The following CSF2RA variants were observed in gnomAD, a reference collection of about 807,000 sequenced individuals.
CSF2RA encodes the protein granulocyte-macrophage colony-stimulating factor receptor subunit alpha.
Under a neutral mutation model 51.6 loss-of-function variants are expected in CSF2RA, and 42 were observed. That is an observed-to-expected ratio of 0.81 (90% confidence interval 0.64 to 1.05). The LOEUF is 1.05. Among genes scored for constraint, CSF2RA ranks in the 50% least tolerant of loss-of-function variants. The pLI is 0.00. For synonymous variants in CSF2RA, 222 were observed against 193.0 expected, an observed-to-expected ratio of 1.15 and a Z score of -1.24; for missense variants, 530 against 501.1, an observed-to-expected ratio of 1.06 and a Z score of -0.55.
chrX:1,273,816 T>G (rs1296661550), intron 1 of CSF2RA, among the ~76,000 whole-genome samples: 1 of 150,244 alleles, frequency 6.7e-6, no homozygotes, highest in Non-Finnish European at 1.5e-5. Flanking sequence ...GCCAGGATGG[T>G]CTCGATCTCC....
chrX:1,311,073 C>T, downstream of CSF2RA, among the ~76,000 whole-genome samples: 1 of 151,870 alleles, frequency 6.6e-6, no homozygotes, highest in Admixed American at 6.6e-5. Flanking sequence ...CATGGTGAAA[C>T]CCCGCTTCTA....
At chrX:1,313,266 T>C (rs1398012001), downstream of CSF2RA, among the ~76,000 whole-genome samples, 1 of 145,260 alleles carries the variant, frequency 6.9e-6, no homozygotes, top group Non-Finnish European at 1.5e-5. Flanking sequence ...CTACTACAAA[T>C]ACAAAAAAAA....
At chrX:1,282,604 C>A in intron 2 of CSF2RA, 74 bp from the exon 3 acceptor site, 1 of 1,112,434 alleles carries the variant, frequency 9.0e-7, no homozygotes, top group Non-Finnish European at 1.4e-6. Flanking sequence ...CCCAAATCAC[C>A]TCCCTGGGGT....
chrX:1,308,755 G>A (rs1324846321), intron 12 of CSF2RA, among the ~76,000 whole-genome samples: 2 of 152,072 alleles, frequency 1.3e-5, no homozygotes, highest in Non-Finnish European at 2.9e-5. Flanking sequence ...CCCACATCGA[G>A]GTGCCAGGAT....
intron 11 of CSF2RA, among the ~76,000 whole-genome samples, chrX:1,305,015 A>G (rs2083417756): frequency 7.8e-6 from 1 of 127,470 alleles, no homozygotes; most frequent in Non-Finnish European, 1.6e-5. Flanking sequence ...TTTTTTTGAG[A>G]TGGAGTCTCA....
chrX:1,269,204 G>GA (rs2088003988), intron 1 of CSF2RA, among the ~76,000 whole-genome samples: 2 of 152,172 alleles, frequency 1.3e-5, no homozygotes, highest in Non-Finnish European at 2.9e-5. Context: ...TTGGTTTACA[G>GA]AAAAAAACAA....
the CSF2RA span, among the ~76,000 whole-genome samples, chrX:1,322,436 TTTG>T: frequency 4.8e-5 from 4 of 83,864 alleles, no homozygotes; most frequent in East Asian, 2.8e-4. Flanking sequence ...ACTGTGTGTG[TTTG>T]TTTTTTTTTT....
the CSF2RA span, among the ~76,000 whole-genome samples, chrX:1,322,866 A>G: frequency 6.6e-6 from 1 of 151,924 alleles, no homozygotes; most frequent in Admixed American, 6.6e-5. Flanking sequence ...GCGGTGGCTC[A>G]CGCCTGTAAT....
chrX:1,281,836 T>C (rs2090104504), intron 2 of CSF2RA: 1 of 137,804 alleles, frequency 7.3e-6, no homozygotes, highest in Non-Finnish European at 1.5e-5. Flanking sequence ...TTTCTTCCTC[T>C]TCTTTTTTTT....
intron 4 of CSF2RA, among the ~76,000 whole-genome samples, chrX:1,287,985 C>T (rs1218120739): frequency 7.3e-5 from 11 of 151,262 alleles, no homozygotes; most frequent in African/African-American, 2.7e-4. Context: ...GATCCACCCG[C>T]CTTGGCCTCC....
At position 1,309,531 on chromosome X, in the gene CSF2RA, G is replaced by A. The variant is rs1347177619; in HGVS notation, c.*52G>A. 1.2e-6 allele frequency: 2 copies of A among 1,613,988 alleles called. No homozygotes were observed. Among genetic ancestry groups the A allele is most frequent in the Non-Finnish European group, 1.7e-6 (2 of 1,179,878 alleles). ...GACATCTCCGCCTCCGCGACACGGGGGAACTGTTTTCTTGATGATGCTGTG... is the reference window on the plus strand; with the variant it reads ...GACATCTCCGCCTCCGCGACACGGGAGAACTGTTTTCTTGATGATGCTGTG... On this transcript the variant is annotated 3_prime_UTR_variant, in exon 13 of 13. Coordinates refer to ENST00000381529, the MANE Select transcript of CSF2RA (RefSeq NM_172245.4).
rs770680235 is a variant in CSF2RA, at chrX:1,288,482, G to T, written c.220-37G>T. On this transcript the variant is annotated intron_variant, in intron 4 of 12. Transcript: ENST00000381529. ...GGGAGACTGTAGGAGACAGAAGGTT[G>T]TTTCCTAATCGGCTCTGTCTGGTTG... is the stretch of plus-strand genomic sequence containing the variant. The T allele has an allele frequency of 5.0e-6, 8 of 1,613,758 alleles. No homozygotes were observed. The Admixed American group carries it at 1.3e-4, about 27-fold the overall frequency.
chrX:1,287,016 C>T (rs756539281), intron 4 of CSF2RA, among the ~76,000 whole-genome samples: 15 of 151,276 alleles, frequency 9.9e-5, no homozygotes, highest in African/African-American at 3.2e-4. Context: ...TATGGATGAT[C>T]GATAGATAGG....
rs1569511158 is a variant in CSF2RA, at chrX:1,304,066, CG to C, written c.1043+50del. 4.0e-6 allele frequency: 6 copies of C among 1,481,824 alleles called. 1 individual carries two copies. The South Asian group carries it at 4.5e-5, about 11-fold the overall frequency. The allele number at this position is 1,481,824 out of a possible 1,614,324, so 91.8% of individuals were successfully genotyped here. Reference sequence around the variant, plus strand: ...CCTCCCCAATGAAAACAGGCCAGGCCGGGAGGAAAGCGCTTTGTCCAGTCTC... The same window carrying C: ...CCTCCCCAATGAAAACAGGCCAGGCCGGAGGAAAGCGCTTTGTCCAGTCTC... On this transcript the variant is annotated intron_variant, in intron 11 of 12. Transcript: ENST00000381529.
intron 4 of CSF2RA, among the ~76,000 whole-genome samples, chrX:1,287,582 T>G (rs1374315704): frequency 2.7e-5 from 4 of 148,280 alleles, no homozygotes; most frequent in South Asian, 2.1e-4. Flanking sequence ...TAGCTGGGAT[T>G]ACAGGTGCCC....
downstream of CSF2RA, chrX:1,310,388 G>C (rs1356557416): frequency 4.0e-5 from 6 of 150,798 alleles, no homozygotes; most frequent in South Asian, 1.0e-3. Context: ...AAAATTGATG[G>C]CCGGGCGCGG....
At chrX:1,290,285 G>T in intron 6 of CSF2RA, 52 bp from the exon 7 acceptor site, 1 of 1,409,000 alleles carries the variant, frequency 7.1e-7, no homozygotes, top group Admixed American at 1.7e-5. Flanking sequence ...TTGTGTTTTT[G>T]TGTTTTGTTT....
At chrX:1,269,548 G>A (rs1382123229) in intron 1 of CSF2RA, among the ~76,000 whole-genome samples, 3 of 151,568 alleles carry the variant, frequency 2.0e-5, no homozygotes, top group Non-Finnish European at 4.4e-5. Flanking sequence ...GTTTGAACCC[G>A]GGAGGCGGAG....
downstream of CSF2RA, among the ~76,000 whole-genome samples, chrX:1,312,031 G>A (rs28406762): frequency 0.035 from 5,321 of 151,936 alleles, 298 homozygotes; most frequent in African/African-American, 0.12. Context: ...ATCTCAGCTC[G>A]CTACAACCTC....
Sources: allele counts gnomAD v4.1 joint callset (sites outside exome capture counted in the v4.1 genomes callset), GRCh38; gene constraint gnomAD v4.1.1; transcripts MANE v1.5; gene names NCBI Gene and HGNC (gene_info 2026-07-23, HGNC 2026-07-21).